The following MGMT variants were observed in gnomAD, a reference collection of about 807,000 sequenced individuals.
MGMT encodes the protein methylated-DNA--protein-cysteine methyltransferase.
Under a neutral mutation model 15.9 loss-of-function variants are expected in MGMT, and 14 were observed. The ratio of observed to expected loss-of-function variants is 0.88; its 90% CI spans 0.58 to 1.37. MGMT has a LOEUF of 1.37. Ranked by LOEUF, MGMT falls within the 40% of genes most tolerant of loss-of-function variation. The pLI is 0.00. For synonymous variants in MGMT, 130 were observed against 118.2 expected (o/e 1.10, Z -0.65); for missense variants, 282 against 268.1 (o/e 1.05, Z -0.36).
chr10:129,495,932 G>A (rs540338185), intron 1 of MGMT, among the ~76,000 whole-genome samples: 52 of 152,278 alleles, frequency 3.4e-4, no homozygotes, highest in Non-Finnish European at 5.0e-4. Context: ...AGCAGGCTGC[G>A]GATGGATGGC....
intron 2 of MGMT, among the ~76,000 whole-genome samples, chr10:129,618,182 A>G (rs1210407058): frequency 6.6e-6 from 1 of 152,110 alleles, no homozygotes; most frequent in Non-Finnish European, 1.5e-5. Context: ...ATCCCTAGAA[A>G]ACTTTTTTTA....
chr10:129,647,513 T>C lies in MGMT; in HGVS notation c.126-60382T>C, dbSNP rs186780283. On this transcript the variant is annotated intron_variant, in intron 2 of 4. Coordinates refer to ENST00000651593, the MANE Select transcript of MGMT (RefSeq NM_002412.5). ...TTTGTGAAAAGTAAAATTCCAAATATTTGAAATAATAAGGGGCCAGATACG... is the reference window on the plus strand; with the variant it reads ...TTTGTGAAAAGTAAAATTCCAAATACTTGAAATAATAAGGGGCCAGATACG... 3.3e-5 allele frequency among the ~76,000 whole-genome samples: 5 copies of C among 152,300 alleles called. No homozygotes were observed. The East Asian group carries it at 9.6e-4, about 29-fold the overall frequency.
At chr10:129,765,033 A>G (rs1848917476) in intron 4 of MGMT, among the ~76,000 whole-genome samples, 1 of 151,808 alleles carries the variant, frequency 6.6e-6, no homozygotes, top group Non-Finnish European at 1.5e-5. Flanking sequence ...GCCCTTCCCC[A>G]TTCTTCTGGA....
chr10:129,738,228 C>G (rs922778782), intron 3 of MGMT, among the ~76,000 whole-genome samples: 1 of 152,324 alleles, frequency 6.6e-6, no homozygotes, highest in East Asian at 1.9e-4. Context: ...TAGGACCCTC[C>G]AAGCCAGGTG....
intron 2 of MGMT, among the ~76,000 whole-genome samples, chr10:129,695,891 G>A (rs917128224): frequency 2.6e-5 from 4 of 152,168 alleles, no homozygotes; most frequent in Non-Finnish European, 5.9e-5. Flanking sequence ...TGCTCTTCCG[G>A]TGGATGGGGG....
chr10:129,664,155 G>A (rs1847630973), intron 2 of MGMT, among the ~76,000 whole-genome samples: 1 of 152,084 alleles, frequency 6.6e-6, no homozygotes. Flanking sequence ...GGGTAGTTTG[G>A]TATTAGGAAA....
At chr10:129,512,545 T>C (rs750229326) in intron 1 of MGMT, among the ~76,000 whole-genome samples, 12 of 152,092 alleles carry the variant, frequency 7.9e-5, no homozygotes, top group Non-Finnish European at 1.6e-4. Flanking sequence ...GAATGGACTG[T>C]GTCTCATTTG....
At chr10:129,759,400 G>A in intron 4 of MGMT, 59 bp downstream of exon 4, 2 of 1,610,176 alleles carry the variant, frequency 1.2e-6, no homozygotes, top group South Asian at 1.1e-5. Flanking sequence ...GTGGCAGGGT[G>A]TCATCTGATC....
At chr10:129,564,249 CCCT>C (rs1846317310) in intron 2 of MGMT, 5 of 36,038 alleles carry the variant, frequency 1.4e-4, no homozygotes, top group South Asian at 2.6e-3. Context: ...TCCCCCTTCC[CCCT>C]CCTCTTCCCC....
intron 2 of MGMT, among the ~76,000 whole-genome samples, chr10:129,628,625 A>G (rs1276931704): frequency 6.6e-6 from 1 of 152,192 alleles, no homozygotes; most frequent in Non-Finnish European, 1.5e-5. Flanking sequence ...TACATGGGGA[A>G]AGAACTCAAT....
At chr10:129,647,906 G>A (rs73388763) in intron 2 of MGMT, among the ~76,000 whole-genome samples, 3,586 of 152,276 alleles carry the variant, frequency 0.024, 77 homozygotes, top group African/African-American at 0.059. Flanking sequence ...AGTCTGTGAA[G>A]GAACATAAAT....
At chr10:129,562,448 G>C (rs898983101) in intron 2 of MGMT, among the ~76,000 whole-genome samples, 18 of 152,200 alleles carry the variant, frequency 1.2e-4, no homozygotes, top group Admixed American at 2.6e-4. Context: ...TCGGAGGACA[G>C]CTAGCAAAGA....
At chr10:129,664,520 A>C (rs1231382245) in intron 2 of MGMT, among the ~76,000 whole-genome samples, 1 of 152,238 alleles carries the variant, frequency 6.6e-6, no homozygotes, top group East Asian at 1.9e-4. Context: ...CACTTCTTCC[A>C]GCTCTAGCTA....
At chr10:129,661,709 CA>C (rs1847600443) in intron 2 of MGMT, among the ~76,000 whole-genome samples, 1 of 152,164 alleles carries the variant, frequency 6.6e-6, no homozygotes, top group Non-Finnish European at 1.5e-5. Flanking sequence ...AAGTTTTCCG[CA>C]ATTTAATCTG....
chr10:129,670,293 A>G (rs1338936607), intron 2 of MGMT, among the ~76,000 whole-genome samples: 1 of 152,138 alleles, frequency 6.6e-6, no homozygotes, highest in African/African-American at 2.4e-5. Flanking sequence ...CAATTTCACA[A>G]CCACCACTTA....
At chr10:129,619,213 T>C (rs1302863361) in intron 2 of MGMT, among the ~76,000 whole-genome samples, 1 of 152,218 alleles carries the variant, frequency 6.6e-6, no homozygotes, top group Non-Finnish European at 1.5e-5. Context: ...TTGTAATGTT[T>C]ATGTGGTTTC....
chr10:129,707,750 C>G, intron 2 of MGMT, 145 bp from the exon 3 acceptor site: 1 of 1,123,704 alleles, frequency 8.9e-7, no homozygotes, highest in East Asian at 2.4e-5. Flanking sequence ...ACCAGTCCCC[C>G]TTTCTGCTGC....
intron 1 of MGMT, among the ~76,000 whole-genome samples, chr10:129,526,983 T>C (rs1460432861): frequency 6.6e-6 from 1 of 152,202 alleles, no homozygotes; most frequent in Non-Finnish European, 1.5e-5. Flanking sequence ...GAAAAATAAA[T>C]TTTTTTCTGC....
chr10:129,760,960 C>T (rs1045852728), intron 4 of MGMT, among the ~76,000 whole-genome samples: 1 of 152,194 alleles, frequency 6.6e-6, no homozygotes. Flanking sequence ...CAGTAGGGAT[C>T]TGATTTTTAC....
Sources: allele counts gnomAD v4.1 joint callset (sites outside exome capture counted in the v4.1 genomes callset), GRCh38; gene constraint gnomAD v4.1.1; transcripts MANE v1.5; gene names NCBI Gene and HGNC (gene_info 2026-07-23, HGNC 2026-07-21).